The following NEK5 variants were observed in gnomAD, a reference collection of about 807,000 sequenced individuals.
The protein encoded by NEK5 is NIMA related kinase 5.
NEK5 carries 88 observed loss-of-function variants against 109.2 expected under a neutral mutation model. The observed-to-expected ratio is 0.81, with a 90% confidence interval of 0.68 to 0.96. The LOEUF is 0.96. Among genes scored for constraint, NEK5 ranks in the 40% least tolerant of loss-of-function variants. The pLI, the probability that NEK5 is intolerant of heterozygous loss-of-function variation, is 0.00. For synonymous variants in NEK5, 283 were observed against 299.9 expected, an observed-to-expected ratio of 0.94 and a Z score of 0.58; for missense variants, 834 against 920.7, an observed-to-expected ratio of 0.91 and a Z score of 1.22.
intron 14 of NEK5, among the ~76,000 whole-genome samples, chr13:52,088,618 G>T (rs1255002092): frequency 6.6e-6 from 1 of 151,956 alleles, no homozygotes; most frequent in African/African-American, 2.4e-5. Flanking sequence ...CTACAGCACT[G>T]CAAGGAAATT....
intron 21 of NEK5, 33 bp from the exon 22 acceptor site, chr13:52,061,986 G>A: frequency 6.9e-6 from 2 of 290,958 alleles, no homozygotes; most frequent in Non-Finnish European, 1.0e-5. Flanking sequence ...AAATAAAAAT[G>A]CTTCTTCACT....
At chr13:52,108,189 G>T (rs573980134) in intron 8 of NEK5, 129 bp downstream of exon 8, 8 of 616,600 alleles carry the variant, frequency 1.3e-5, no homozygotes, top group Non-Finnish European at 2.3e-5. Context: ...TTTCACACAT[G>T]AAGCAAATGA....
At chr13:52,124,491 A>G (rs550682344) in intron 3 of NEK5, among the ~76,000 whole-genome samples, 19 of 152,346 alleles carry the variant, frequency 1.2e-4, no homozygotes, top group African/African-American at 4.6e-4. Context: ...CACCTACAAC[A>G]TGATTGCTAA....
At chr13:52,049,324 T>C (rs554476038) in intron 23 of NEK5, among the ~76,000 whole-genome samples, 1 of 152,094 alleles carries the variant, frequency 6.6e-6, no homozygotes, top group African/African-American at 2.4e-5. Flanking sequence ...CTTGGGAGGC[T>C]GAGGTGGGAG....
chr13:52,099,907 T>G, intron 11 of NEK5, 31 bp from the exon 12 acceptor site: 3 of 1,569,220 alleles, frequency 1.9e-6, no homozygotes, highest in Non-Finnish European at 2.6e-6. Context: ...CAGCTTCAAT[T>G]TTTTAAAAAT....
At chr13:52,104,766 G>A (rs1660098761) in intron 8 of NEK5, among the ~76,000 whole-genome samples, 1 of 152,166 alleles carries the variant, frequency 6.6e-6, no homozygotes, top group Admixed American at 6.5e-5. Context: ...GTCAAAGAAA[G>A]GCACACAAAC....
Position 52,102,204 on chromosome 13 carries a change from T to C in NEK5, c.698A>G (p.His233Arg), listed in dbSNP as rs56369842. The change falls in exon 10 of 24, where the codon CAT becomes CGT. Residue 233 changes from histidine (H) to arginine (R), a missense_variant. By Grantham distance (29) the His-to-Arg change is conservative. Coordinates refer to ENST00000684899, the MANE Select transcript of NEK5 (RefSeq NM_001365552.1). ...TTGAAAGAGCTGAGATATCAAGGAA[T>C]GGAGCTCACGAGAAAACCCCGGAGA... ...PISPGFSREL[H>R]SLISQLFQVS... The C allele has an allele frequency of 2.4e-3, 3,873 of 1,613,840 alleles. 87 individuals are homozygous for C. In the African/African-American group the frequency reaches 0.046, roughly 19 times the overall value.
chr13:52,086,973 G>A (rs1395191244), intron 15 of NEK5, among the ~76,000 whole-genome samples: 1 of 152,186 alleles, frequency 6.6e-6, no homozygotes, highest in Non-Finnish European at 1.5e-5. Context: ...AGGGCACTTG[G>A]TCCTGCTGAC....
intron 23 of NEK5, among the ~76,000 whole-genome samples, chr13:52,049,845 C>A (rs967531552): frequency 3.3e-5 from 5 of 152,154 alleles, no homozygotes; most frequent in Non-Finnish European, 5.9e-5. Context: ...GTGAAGACTG[C>A]TAGCACAATA....
intron 23 of NEK5, among the ~76,000 whole-genome samples, chr13:52,047,909 A>G (rs1473436162): frequency 6.6e-6 from 1 of 152,186 alleles, no homozygotes; most frequent in Non-Finnish European, 1.5e-5. Context: ...TTTAGAACTA[A>G]TAAGAGAGTT....
intron 19 of NEK5, among the ~76,000 whole-genome samples, chr13:52,074,199 C>T (rs748537051): frequency 6.6e-5 from 10 of 152,022 alleles, no homozygotes; most frequent in Non-Finnish European, 1.0e-4. Flanking sequence ...AAAAGAACAA[C>T]GCCAGAGTCG....
chr13:52,119,548 T>C lies in NEK5; in HGVS notation c.118-133A>G, dbSNP rs182190697. On this transcript the variant is annotated intron_variant, in intron 3 of 23. Coordinates refer to ENST00000684899, the MANE Select transcript of NEK5 (RefSeq NM_001365552.1). ...TGTCACTTTGAAAACGATCTTTCAA[T>C]GGCAGGAAACAACATTTCTAGAATT... 105 of 506,686 alleles carry C rather than the reference T, an allele frequency of 2.1e-4. 1 individual carries two copies. The highest frequency in any genetic ancestry group is 1.5e-3 in the Admixed American group (48 of 32,370). 31.4% of individuals were successfully genotyped at this position (506,686 alleles called of 1,614,324 possible).
rs755410989 is a variant in NEK5 at position 52,112,307 on chromosome 13, C to G, written c.273G>C (p.Arg91Ser). 1.9e-6 allele frequency: 3 copies of G among 1,611,690 alleles called. No individual in the cohort carries two copies. Among genetic ancestry groups the G allele is most frequent in the Non-Finnish European group, 1.7e-6 (2 of 1,178,028 alleles). ...ATAACACACCCCGTTGTCTATTGATCCTTTTCATGAGATCCCCTCCATCAC... is the reference window on the plus strand; with the variant it reads ...ATAACACACCCCGTTGTCTATTGATGCTTTTCATGAGATCCCCTCCATCAC... ...EYCDGGDLMK[R>S]INRQRGVLFS... The change falls in exon 5 of 24, where the codon AGG becomes AGC. Residue 91 changes from arginine (R) to serine (S), a missense_variant. Transcript: ENST00000684899.
chr13:52,098,002 C>G (rs1437082576), intron 12 of NEK5, among the ~76,000 whole-genome samples: 1 of 152,164 alleles, frequency 6.6e-6, no homozygotes, highest in Non-Finnish European at 1.5e-5. Context: ...TCCCCCTTTG[C>G]TCTCTTTCTC....
intron 9 of NEK5, 43 bp downstream of exon 9, chr13:52,104,455 A>G (rs1955609046): frequency 7.3e-7 from 1 of 1,361,586 alleles, no homozygotes; most frequent in Non-Finnish European, 1.1e-6. Flanking sequence ...TCTTTTCTAC[A>G]ATTCCAATAA....
chr13:52,040,513 TC>T (rs1954404595), intron 23 of NEK5, among the ~76,000 whole-genome samples: 1 of 152,222 alleles, frequency 6.6e-6, no homozygotes, highest in Admixed American at 6.5e-5. Context: ...AACTTCCTGC[TC>T]TTTACCGAGG....
At chr13:52,097,063 G>T (rs1372918997) in intron 12 of NEK5, among the ~76,000 whole-genome samples, 1 of 152,240 alleles carries the variant, frequency 6.6e-6, no homozygotes. Context: ...AATCTTGGTG[G>T]CTTCCACATG....
At chr13:52,070,624 G>A (rs1326287831) in intron 20 of NEK5, among the ~76,000 whole-genome samples, 1 of 152,204 alleles carries the variant, frequency 6.6e-6, no homozygotes, top group African/African-American at 2.4e-5. Context: ...CCATGATTGT[G>A]AGGCTTCCCC....
At chr13:52,092,424 C>CA (rs34826302) in intron 13 of NEK5, among the ~76,000 whole-genome samples, 70,555 of 148,550 alleles carry the variant, frequency 0.47, 19,085 homozygotes, top group Non-Finnish European at 0.62. Context: ...ATCTTTCTAA[C>CA]AAAAAAAAAA....
Sources: allele counts gnomAD v4.1 joint callset (sites outside exome capture counted in the v4.1 genomes callset), GRCh38; gene constraint gnomAD v4.1.1; transcripts MANE v1.5; gene names NCBI Gene and HGNC (gene_info 2026-07-23, HGNC 2026-07-21).